The following MAP2K6 variants were observed in gnomAD, a reference collection of about 807,000 sequenced individuals.
MAP2K6 encodes the protein mitogen-activated protein kinase kinase 6, also known as dual specificity mitogen-activated protein kinase kinase 6.
MAP2K6 carries 16 observed loss-of-function variants against 53.7 expected under a neutral mutation model. The observed-to-expected ratio is 0.30, with a 90% CI of 0.20 to 0.45. MAP2K6 has a LOEUF of 0.45. Ranked by LOEUF, MAP2K6 falls within the 20% of genes least tolerant of loss-of-function variation. The pLI, the probability that MAP2K6 is intolerant of heterozygous loss-of-function variation, is 1.00. For missense variants in MAP2K6, 204 were observed against 411.9 expected, an observed-to-expected ratio of 0.50 and a Z score of 4.37; for synonymous variants, 132 against 143.1, an observed-to-expected ratio of 0.92 and a Z score of 0.55.
At position 69,432,897 on chromosome 17, in the gene MAP2K6, C is replaced by A. The variant is rs1475192736; in HGVS notation, c.16+17897C>A. ...TCTTTGTGAGGGGAAGAGACTCAGACCATATACACTATGATTTGTTCTGTT... is the reference window on the plus strand; with the variant it reads ...TCTTTGTGAGGGGAAGAGACTCAGAACATATACACTATGATTTGTTCTGTT... On this transcript the variant is annotated intron_variant, in intron 1 of 11. Coordinates refer to ENST00000590474, the MANE Select transcript of MAP2K6 (RefSeq NM_002758.4). Among the ~76,000 whole-genome samples, 6 of 151,640 alleles carry A rather than the reference C, an allele frequency of 4.0e-5. No homozygotes were observed. The East Asian group carries it at 1.2e-3, about 29-fold the overall frequency.
At chr17:69,463,519 T>C (rs980088003) in intron 1 of MAP2K6, among the ~76,000 whole-genome samples, 4 of 150,200 alleles carry the variant, frequency 2.7e-5, no homozygotes, top group South Asian at 2.1e-4. Flanking sequence ...TATATATATA[T>C]ACACACGCAA....
chr17:69,460,253 T>G (rs1311538438), intron 1 of MAP2K6, among the ~76,000 whole-genome samples: 1 of 151,580 alleles, frequency 6.6e-6, no homozygotes, highest in Admixed American at 6.6e-5. Flanking sequence ...GAGGGGAGGG[T>G]GTCATGAAGG....
intron 2 of MAP2K6, 39 bp downstream of exon 2, chr17:69,505,885 T>C (rs377247867): frequency 1.9e-5 from 30 of 1,565,620 alleles, no homozygotes; most frequent in Non-Finnish European, 2.5e-5. Context: ...CAAATCCTTG[T>C]GCTTTCAGAT....
At chr17:69,504,160 G>A (rs1473719622) in intron 1 of MAP2K6, among the ~76,000 whole-genome samples, 1 of 96,350 alleles carries the variant, frequency 1.0e-5, no homozygotes, top group Non-Finnish European at 2.4e-5. Flanking sequence ...TATTTTAATT[G>A]GTTTAAGTTT....
In MAP2K6 at chr17:69,526,822, T is replaced by G. The variant is rs1401242849; in HGVS notation, c.881+113T>G. ...CATACATTCATTCCGAAAGCATTTGTGGAGTATGCCCTCTCTGCTGGAGAA... is the reference window on the plus strand; with the variant it reads ...CATACATTCATTCCGAAAGCATTTGGGGAGTATGCCCTCTCTGCTGGAGAA... On this transcript the variant is annotated intron_variant, in intron 10 of 11. Transcript: ENST00000590474. The G allele has an allele frequency of 5.3e-6, 7 of 1,310,236 alleles. No homozygotes were observed. In the South Asian group the frequency reaches 1.0e-4, roughly 19 times the overall value. 81.2% of individuals were successfully genotyped at this position (1,310,236 alleles called of 1,614,324 possible).
chr17:69,536,321 C>T (rs764483163), intron 11 of MAP2K6, among the ~76,000 whole-genome samples, 161 bp downstream of exon 11: 1 of 152,176 alleles, frequency 6.6e-6, no homozygotes, highest in Admixed American at 6.5e-5. Flanking sequence ...AAGAGTTCAT[C>T]CTACATCCTT....
rs770739403 is a variant in MAP2K6 at position 69,543,872 on chromosome 17, G to A, written c.*2119G>A. 2 of 152,170 alleles carry A rather than the reference G, an allele frequency of 1.3e-5. No individual in the cohort carries two copies. Among genetic ancestry groups the A allele is most frequent in the African/African-American group, 4.8e-5 (2 of 41,426 alleles). The allele number at this position is 152,170 out of a possible 1,614,324, so 9.4% of individuals were successfully genotyped here. The stretch of plus-strand genomic sequence containing the variant: ...TGCAAAAACAATCATATTAATAGTA[G>A]AGTAGAGAAAAAGTTAGTCTATGGT... On this transcript the variant is annotated 3_prime_UTR_variant, in exon 12 of 12. Transcript: ENST00000590474.
At chr17:69,525,494 A>G (rs1024133635) in intron 9 of MAP2K6, among the ~76,000 whole-genome samples, 1 of 152,164 alleles carries the variant, frequency 6.6e-6, no homozygotes, top group African/African-American at 2.4e-5. Context: ...AAGCATCCCC[A>G]AGACTGAGTA....
chr17:69,466,657 C>G (rs757525932), intron 1 of MAP2K6, among the ~76,000 whole-genome samples: 1 of 152,202 alleles, frequency 6.6e-6, no homozygotes, highest in South Asian at 2.1e-4. Flanking sequence ...CGGGAAATCC[C>G]GTGGCATTTT....
intron 1 of MAP2K6, among the ~76,000 whole-genome samples, chr17:69,455,340 G>A (rs1201902094): frequency 2.0e-5 from 3 of 152,148 alleles, no homozygotes; most frequent in African/African-American, 7.2e-5. Context: ...CCTGGTGAGG[G>A]ATGGTATCCC....
At position 69,414,979 on chromosome 17, in the gene MAP2K6, G is replaced by C. The variant is rs201001185; in HGVS notation, c.-6G>C. The C allele has an allele frequency of 6.4e-7, 1 of 1,553,616 alleles. No individual in the cohort carries two copies. The highest frequency in any genetic ancestry group is 2.2e-5 in the East Asian group (1 of 44,560). ...GCTCCCCTCCCCCATCAAAGGAAAG[G>C]GGAAAATGTCTCAGTCGAAAGGTAA... On this transcript the variant is annotated 5_prime_UTR_variant, in exon 1 of 12. Transcript: ENST00000590474.
intron 1 of MAP2K6, among the ~76,000 whole-genome samples, chr17:69,449,540 T>TCTTTC (rs1474683023): frequency 1.0e-4 from 9 of 86,170 alleles, no homozygotes; most frequent in African/African-American, 3.2e-4. Context: ...TGTCTTTCTT[T>TCTTTC]CTTTCTTTCT....
At position 69,488,714 on chromosome 17, in the gene MAP2K6, G is replaced by A. The variant is rs184898883; in HGVS notation, c.17-17066G>A. Among the ~76,000 whole-genome samples the A allele has an allele frequency of 4.6e-5, 7 of 152,136 alleles. No individual in the cohort carries two copies. The East Asian group carries it at 7.7e-4, about 17-fold the overall frequency. ...GGAGCTAAACACTTATGTCCACTTCGGTACTCGTGGACATAAAGATGGCAA... is the reference window on the plus strand; with the variant it reads ...GGAGCTAAACACTTATGTCCACTTCAGTACTCGTGGACATAAAGATGGCAA... On this transcript the variant is annotated intron_variant, in intron 1 of 11. Transcript: ENST00000590474.
intron 1 of MAP2K6, among the ~76,000 whole-genome samples, chr17:69,441,124 A>C (rs1300243839): frequency 6.6e-6 from 1 of 152,198 alleles, no homozygotes; most frequent in African/African-American, 2.4e-5. Context: ...ACCCTTGTGT[A>C]TGTAGGACAG....
chr17:69,476,500 G>C (rs1908155772), intron 1 of MAP2K6, among the ~76,000 whole-genome samples: 1 of 152,204 alleles, frequency 6.6e-6, no homozygotes, highest in Admixed American at 6.5e-5. Context: ...AACTCATGGA[G>C]TCCCTACTCA....
intron 1 of MAP2K6, among the ~76,000 whole-genome samples, chr17:69,443,830 G>A (rs1178893602): frequency 2.6e-5 from 4 of 152,160 alleles, no homozygotes; most frequent in African/African-American, 7.2e-5. Context: ...GGGTTGTTGA[G>A]CTGTATTTTG....
In MAP2K6 at chr17:69,520,256, C is replaced by T; in HGVS notation, c.367-14C>T. 7.6e-7 allele frequency: 1 copy of T among 1,313,958 alleles called. No individual in the cohort carries two copies. 81.4% of individuals were successfully genotyped at this position (1,313,958 alleles called of 1,614,324 possible). On this transcript the variant is annotated splice_polypyrimidine_tract_variant and intron_variant, in intron 5 of 11. Coordinates refer to ENST00000590474, the MANE Select transcript of MAP2K6 (RefSeq NM_002758.4). ...TCATCCTTTTAAACAATTCCTGAAACAATTGGTCTCCAGGGTGATGTGTGG... is the reference window on the plus strand; with the variant it reads ...TCATCCTTTTAAACAATTCCTGAAATAATTGGTCTCCAGGGTGATGTGTGG...
At chr17:69,454,955 A>G (rs1177808290) in intron 1 of MAP2K6, among the ~76,000 whole-genome samples, 1 of 152,130 alleles carries the variant, frequency 6.6e-6, no homozygotes, top group East Asian at 1.9e-4. Flanking sequence ...TGAATTGCTC[A>G]AGCATTTAAT....
At chr17:69,459,510 G>A (rs953696986) in intron 1 of MAP2K6, among the ~76,000 whole-genome samples, 2 of 151,830 alleles carry the variant, frequency 1.3e-5, no homozygotes, top group Non-Finnish European at 1.5e-5. Context: ...TCAGGAGTTC[G>A]AGACCAGCCT....
Sources: gnomAD v4.1 joint callset for allele counts (sites outside exome capture counted in the v4.1 genomes callset) on GRCh38, gnomAD v4.1.1 for gene constraint, MANE v1.5 for transcripts, NCBI Gene and HGNC (gene_info 2026-07-23, HGNC 2026-07-21) for gene names.